Variants in ICA1 observed in about 807,000 individuals in gnomAD.
The protein encoded by ICA1 is 69 kDa islet cell autoantigen.
In ICA1, 40 loss-of-function variants were observed where a neutral mutation model predicts 71.0. The observed-to-expected ratio is 0.56, with a 90% confidence interval of 0.44 to 0.73. ICA1 has a LOEUF of 0.73. Ranked by LOEUF, ICA1 falls within the 30% of genes least tolerant of loss-of-function variation. The pLI, the probability that ICA1 is intolerant of heterozygous loss-of-function variation, is 0.00. For missense variants in ICA1, 578 were observed against 576.5 expected (o/e 1.00, Z -0.03); for synonymous variants, 207 against 209.5 (o/e 0.99, Z 0.10).
intron 8 of ICA1, chr7:8,156,613 A>C (rs1393228282): frequency 4.8e-6 from 2 of 418,372 alleles, no homozygotes; most frequent in Non-Finnish European, 8.2e-6. Flanking sequence ...ATATTGCTGT[A>C]GTCTTACAGA....
At chr7:8,188,305 T>C (rs1419642521) in intron 6 of ICA1, among the ~76,000 whole-genome samples, 1 of 152,256 alleles carries the variant, frequency 6.6e-6, no homozygotes, top group Non-Finnish European at 1.5e-5. Flanking sequence ...TCATCATTTC[T>C]ACGCTGAAAA....
chr7:8,175,391 T>C (rs183439850), intron 6 of ICA1, among the ~76,000 whole-genome samples: 422 of 152,272 alleles, frequency 2.8e-3, no homozygotes, highest in Middle Eastern at 0.027. Context: ...ACTCCAACAA[T>C]TCAGTGATAA....
At chr7:8,125,158 A>T (rs772639115) in intron 13 of ICA1, among the ~76,000 whole-genome samples, 7 of 152,164 alleles carry the variant, frequency 4.6e-5, no homozygotes, top group Non-Finnish European at 8.8e-5. Flanking sequence ...AGACAGAATG[A>T]CCCTTTTAAA....
In ICA1 at chr7:8,246,413, G is replaced by A. The variant is rs888153808; in HGVS notation, c.-79-10408C>T. On this transcript the variant is annotated intron_variant, in intron 1 of 13. Coordinates refer to ENST00000402384, the MANE Select transcript of ICA1 (RefSeq NM_001136020.3). ...AGTGTGGGAATGAGTTGGTGAGGAG[G>A]AGGCTCTGTGTCTAAGGCAGAAATA... Among the ~76,000 whole-genome samples, 3 of 152,224 alleles carry A rather than the reference G, an allele frequency of 2.0e-5. No homozygotes were observed. The East Asian group carries it at 5.8e-4, about 29-fold the overall frequency.
chr7:8,258,881 GC>G (rs1489343702), intron 1 of ICA1, among the ~76,000 whole-genome samples: 1 of 152,238 alleles, frequency 6.6e-6, no homozygotes, highest in Non-Finnish European at 1.5e-5. Flanking sequence ...AATCATGCCT[GC>G]AGTCCTTATC....
chr7:8,154,122 G>C (rs1347671492), intron 8 of ICA1, among the ~76,000 whole-genome samples: 1 of 151,976 alleles, frequency 6.6e-6, no homozygotes, highest in Non-Finnish European at 1.5e-5. Flanking sequence ...AATTATATTA[G>C]GCTTGGGTAA....
chr7:8,117,383 G>A (rs181366334), intron 13 of ICA1, among the ~76,000 whole-genome samples: 1 of 152,290 alleles, frequency 6.6e-6, no homozygotes, highest in African/African-American at 2.4e-5. Flanking sequence ...TCCTGTTTTA[G>A]GGACAGCAAA....
chr7:8,179,754 CT>C (rs138515738), intron 6 of ICA1, among the ~76,000 whole-genome samples: 4 of 151,494 alleles, frequency 2.6e-5, no homozygotes, highest in Non-Finnish European at 5.9e-5. Flanking sequence ...GAAGGGAGAA[CT>C]TTTTTTTTTC....
At chr7:8,206,055 C>T (rs2128350750) in intron 6 of ICA1, among the ~76,000 whole-genome samples, 1 of 152,268 alleles carries the variant, frequency 6.6e-6, no homozygotes, top group East Asian at 1.9e-4. Context: ...CACGTTCTCA[C>T]TGATGCTAAA....
chr7:8,220,160 TAAAC>T (rs760771837), intron 5 of ICA1, among the ~76,000 whole-genome samples: 1 of 152,212 alleles, frequency 6.6e-6, no homozygotes, highest in African/African-American at 2.4e-5. Context: ...TTTAAGATGA[TAAAC>T]AAATACCTTT....
intron 1 of ICA1, among the ~76,000 whole-genome samples, chr7:8,252,218 T>C (rs906850660): frequency 3.3e-5 from 5 of 152,236 alleles, no homozygotes; most frequent in African/African-American, 1.2e-4. Context: ...TTTATGGTGG[T>C]GTTTTCTCTA....
chr7:8,227,290 G>C, intron 4 of ICA1, among the ~76,000 whole-genome samples: 1 of 152,162 alleles, frequency 6.6e-6, no homozygotes, highest in East Asian at 1.9e-4. Flanking sequence ...CAAGATCAGT[G>C]AGGAAAATGG....
intron 12 of ICA1, among the ~76,000 whole-genome samples, chr7:8,131,696 C>T (rs1050282740): frequency 2.6e-5 from 4 of 152,154 alleles, no homozygotes; most frequent in Non-Finnish European, 4.4e-5. Flanking sequence ...ACACATAACA[C>T]GTAAGAAAAA....
intron 6 of ICA1, among the ~76,000 whole-genome samples, chr7:8,181,568 T>C (rs1240478743): frequency 2.6e-5 from 4 of 152,196 alleles, no homozygotes; most frequent in African/African-American, 9.6e-5. Flanking sequence ...GGTACTGACC[T>C]CTTAACAAAA....
intron 1 of ICA1, among the ~76,000 whole-genome samples, chr7:8,259,601 A>G (rs1811514573): frequency 6.6e-6 from 1 of 152,218 alleles, no homozygotes; most frequent in Non-Finnish European, 1.5e-5. Flanking sequence ...AGCATTTTAT[A>G]TACATTATCT....
intron 1 of ICA1, among the ~76,000 whole-genome samples, chr7:8,245,691 C>G (rs1294333124): frequency 6.6e-6 from 1 of 151,992 alleles, no homozygotes; most frequent in Non-Finnish European, 1.5e-5. Flanking sequence ...CAACATATAA[C>G]CAATATAAAA....
At chr7:8,185,723 T>A (rs1783690734) in intron 6 of ICA1, among the ~76,000 whole-genome samples, 1 of 152,260 alleles carries the variant, frequency 6.6e-6, no homozygotes, top group South Asian at 2.1e-4. Context: ...AACAAGGTCA[T>A]TTGATCCAAG....
At chr7:8,221,672 G>A (rs947945194) in intron 4 of ICA1, among the ~76,000 whole-genome samples, 2 of 152,140 alleles carry the variant, frequency 1.3e-5, no homozygotes, top group African/African-American at 4.8e-5. Context: ...CCTCTGTACT[G>A]AAACGTAAGC....
At chr7:8,187,308 GT>G (rs1387341714) in intron 6 of ICA1, among the ~76,000 whole-genome samples, 1 of 152,162 alleles carries the variant, frequency 6.6e-6, no homozygotes, top group Non-Finnish European at 1.5e-5. Context: ...ACTGAATACT[GT>G]AGGCAATTGT....
Sources: gnomAD v4.1 joint callset for allele counts (sites outside exome capture counted in the v4.1 genomes callset) on GRCh38, gnomAD v4.1.1 for gene constraint, MANE v1.5 for transcripts, NCBI Gene and HGNC (gene_info 2026-07-23, HGNC 2026-07-21) for gene names.